Variants in CACNA2D3 observed in about 807,000 individuals in gnomAD.
CACNA2D3 encodes calcium voltage-gated channel auxiliary subunit alpha2delta 3, also known as voltage-dependent calcium channel subunit alpha-2/delta-3.
Under a neutral mutation model 160.6 loss-of-function variants are expected in CACNA2D3, and 60 were observed. The observed-to-expected ratio is 0.37, with a 90% CI of 0.30 to 0.46. CACNA2D3 has a LOEUF of 0.46. CACNA2D3 is among the 20% of genes least tolerant of loss of function. CACNA2D3 has a pLI of 1.00. For synonymous variants in CACNA2D3, 558 were observed against 492.9 expected (o/e 1.13, Z -1.75); for missense variants, 1,205 against 1,365.0 (o/e 0.88, Z 1.85).
At chr3:54,527,380 C>T (rs6445684) in intron 5 of CACNA2D3, among the ~76,000 whole-genome samples, 97,242 of 151,998 alleles carry the variant, frequency 0.64, 31,336 homozygotes, top group Non-Finnish European at 0.66. Context: ...TGGGCACAAT[C>T]GCTGAGCCAT....
chr3:54,627,174 G>A (rs1011158642), intron 9 of CACNA2D3, among the ~76,000 whole-genome samples: 2 of 152,164 alleles, frequency 1.3e-5, no homozygotes, highest in Non-Finnish European at 1.5e-5. Context: ...GAGTAATGCC[G>A]TATCTTAAGA....
At chr3:54,948,992 G>C (rs1701687357) in intron 27 of CACNA2D3, among the ~76,000 whole-genome samples, 1 of 152,192 alleles carries the variant, frequency 6.6e-6, no homozygotes, top group Admixed American at 6.5e-5. Context: ...TGGATCTGGG[G>C]CTCAGCTGAA....
intron 13 of CACNA2D3, among the ~76,000 whole-genome samples, chr3:54,772,471 A>G (rs1261828248): frequency 1.3e-5 from 2 of 151,332 alleles, no homozygotes; most frequent in East Asian, 2.0e-4. Context: ...ATGAGAGCCA[A>G]TCATTGCATT....
intron 13 of CACNA2D3, among the ~76,000 whole-genome samples, chr3:54,781,876 A>G (rs935315971): frequency 2.6e-5 from 4 of 152,198 alleles, no homozygotes; most frequent in Non-Finnish European, 5.9e-5. Context: ...CTAACGTTCT[A>G]TTTGGAGTCA....
chr3:54,662,712 G>A (rs60289381), intron 11 of CACNA2D3, among the ~76,000 whole-genome samples: 5 of 152,204 alleles, frequency 3.3e-5, no homozygotes, highest in African/African-American at 1.2e-4. Context: ...GGGCTGTTCA[G>A]GTCCACCTGG....
chr3:54,842,451 A>C (rs1393622148), intron 16 of CACNA2D3, among the ~76,000 whole-genome samples: 1 of 152,196 alleles, frequency 6.6e-6, no homozygotes, highest in African/African-American at 2.4e-5. Flanking sequence ...AATGCCTGCC[A>C]CATGCCTGAC....
intron 27 of CACNA2D3, among the ~76,000 whole-genome samples, chr3:54,914,585 T>TA (rs2106914728): frequency 6.6e-6 from 1 of 152,204 alleles, no homozygotes; most frequent in Admixed American, 6.5e-5. Flanking sequence ...TATATATCAG[T>TA]AAAAATAAAT....
At chr3:55,069,861 C>T (rs1704759039) in intron 35 of CACNA2D3, among the ~76,000 whole-genome samples, 1 of 152,118 alleles carries the variant, frequency 6.6e-6, no homozygotes, top group South Asian at 2.1e-4. Flanking sequence ...ATAATGGTCA[C>T]CAAAAAATGT....
intron 27 of CACNA2D3, among the ~76,000 whole-genome samples, chr3:54,963,040 T>G (rs924608144): frequency 1.3e-5 from 2 of 152,262 alleles, no homozygotes; most frequent in African/African-American, 4.8e-5. Context: ...GATGCATGCA[T>G]GATTTCATCT....
At chr3:54,540,094 TCTC>T (rs139797655) in intron 5 of CACNA2D3, among the ~76,000 whole-genome samples, 2,520 of 152,270 alleles carry the variant, frequency 0.017, 70 homozygotes, top group East Asian at 0.11. Flanking sequence ...GTGAGCCTCA[TCTC>T]CTCTAATCAA....
intron 35 of CACNA2D3, among the ~76,000 whole-genome samples, chr3:55,041,034 T>C (rs1703949406): frequency 6.6e-6 from 1 of 152,192 alleles, no homozygotes; most frequent in Admixed American, 6.5e-5. Flanking sequence ...TCATACACAC[T>C]CTTCAGCACC....
intron 27 of CACNA2D3, among the ~76,000 whole-genome samples, chr3:54,929,448 G>A (rs1338464328): frequency 6.6e-6 from 1 of 152,206 alleles, no homozygotes; most frequent in Non-Finnish European, 1.5e-5. Context: ...GGTACAAAGG[G>A]AAGAGGCCCT....
intron 2 of CACNA2D3, among the ~76,000 whole-genome samples, chr3:54,171,789 T>G (rs1400842530): frequency 6.6e-6 from 1 of 152,194 alleles, no homozygotes; most frequent in East Asian, 1.9e-4. Context: ...GAACTTTGGA[T>G]TATTCGAGGC....
intron 4 of CACNA2D3, among the ~76,000 whole-genome samples, chr3:54,425,857 G>A (rs145287734): frequency 1.1e-3 from 166 of 152,346 alleles, no homozygotes; most frequent in Non-Finnish European, 2.1e-3. Context: ...TTGGAGGTCT[G>A]GCTCAATGAG....
intron 9 of CACNA2D3, among the ~76,000 whole-genome samples, chr3:54,612,977 TGAAAA>T (rs1698774622): frequency 2.6e-5 from 4 of 152,242 alleles, no homozygotes; most frequent in Middle Eastern, 3.4e-3. Flanking sequence ...TGAACTGCTG[TGAAAA>T]TGGACCACCC....
intron 10 of CACNA2D3, among the ~76,000 whole-genome samples, chr3:54,630,110 A>G (rs1699202797): frequency 6.6e-6 from 1 of 151,866 alleles, no homozygotes; most frequent in South Asian, 2.1e-4. Context: ...TGCATGTCAC[A>G]CACCCGTGAG....
intron 2 of CACNA2D3, among the ~76,000 whole-genome samples, chr3:54,197,684 G>C (rs1421588675): frequency 6.6e-6 from 1 of 152,092 alleles, no homozygotes; most frequent in Non-Finnish European, 1.5e-5. Context: ...GGCACCTTTT[G>C]GGAACTGCTC....
chr3:54,744,545 T>C (rs1478061059), intron 11 of CACNA2D3, among the ~76,000 whole-genome samples: 1 of 152,168 alleles, frequency 6.6e-6, no homozygotes, highest in African/African-American at 2.4e-5. Flanking sequence ...GTTGTAATTG[T>C]TATTATAGCT....
chr3:54,232,831 C>A (rs538516103), intron 2 of CACNA2D3, among the ~76,000 whole-genome samples: 76 of 152,216 alleles, frequency 5.0e-4, no homozygotes, highest in Non-Finnish European at 5.0e-4. Context: ...TAAACTGTGC[C>A]CTTATTGTTT....
Sources: allele counts gnomAD v4.1 joint callset (sites outside exome capture counted in the v4.1 genomes callset), GRCh38; gene constraint gnomAD v4.1.1; transcripts MANE v1.5; gene names NCBI Gene and HGNC (gene_info 2026-07-23, HGNC 2026-07-21).